The following UNC13C variants were observed in gnomAD, a reference collection of about 807,000 sequenced individuals.
UNC13C encodes protein unc-13 homolog C.
Under a neutral mutation model 245.4 loss-of-function variants are expected in UNC13C, and 174 were observed. The ratio of observed to expected loss-of-function variants is 0.71; its 90% CI spans 0.63 to 0.80. The LOEUF is 0.80. Ranked by LOEUF, UNC13C falls within the 30% of genes least tolerant of loss-of-function variation. The probability of loss-of-function intolerance (pLI) is 0.00; values close to 1 mark genes in which losing one functional copy is unlikely to be tolerated. For synonymous variants in UNC13C, 992 were observed against 895.1 expected (o/e 1.11, Z -1.93); for missense variants, 2,829 against 2,602.9 (o/e 1.09, Z -1.89).
At chr15:53,901,344 C>T in the UNC13C span, among the ~76,000 whole-genome samples, 1 of 151,690 alleles carries the variant, frequency 6.6e-6, no homozygotes, top group South Asian at 2.1e-4. Flanking sequence ...TTCAGCCTCC[C>T]AAGTAGCTGG....
chr15:54,260,173 T>C (rs1169619412), intron 8 of UNC13C, among the ~76,000 whole-genome samples: 2 of 152,226 alleles, frequency 1.3e-5, no homozygotes, highest in Non-Finnish European at 2.9e-5. Context: ...TGGACATATA[T>C]GCAGGTAGCT....
At chr15:54,338,723 C>A (rs2038655420) in intron 17 of UNC13C, among the ~76,000 whole-genome samples, 1 of 152,206 alleles carries the variant, frequency 6.6e-6, no homozygotes, top group Admixed American at 6.5e-5. Context: ...AAGGTTTTAG[C>A]TGGAGAATCA....
At chr15:54,338,261 A>C (rs1038111339) in intron 16 of UNC13C, 100 bp from the exon 17 acceptor site, 12 of 1,342,914 alleles carry the variant, frequency 8.9e-6, no homozygotes, top group Admixed American at 2.3e-5. Flanking sequence ...ACATAGAAAA[A>C]TCGACTGAAA....
Position 54,015,273 on chromosome 15 carries a change from G to A in UNC13C, c.2370G>A (p.Lys790=). Residue 790 remains lysine (K), a synonymous_variant, in exon 2 of 33, where the codon AAG becomes AAA. Coordinates refer to ENST00000260323, the MANE Select transcript of UNC13C (RefSeq NM_001080534.3). The part of the protein sequence containing the change: ...HSRLSIDLSD[K]TFSFPKFGST... Reference sequence around the variant, plus strand: ...GATTAAGCATTGACCTTTCTGATAAGACTTTCAGCTTCCCAAAATTTGGAT... The same window carrying A: ...GATTAAGCATTGACCTTTCTGATAAAACTTTCAGCTTCCCAAAATTTGGAT... The A allele has an allele frequency of 6.5e-7, 1 of 1,545,744 alleles. No individual in the cohort carries two copies. The highest frequency in any genetic ancestry group is 8.7e-7 in the Non-Finnish European group (1 of 1,145,980).
At chr15:54,422,977 A>C (rs2040681302) in intron 19 of UNC13C, among the ~76,000 whole-genome samples, 1 of 140,618 alleles carries the variant, frequency 7.1e-6, no homozygotes, top group Admixed American at 7.3e-5. Flanking sequence ...ACACACACAC[A>C]CACACAACGA....
At chr15:54,538,133 CAAAAAAAAAAAAAAAAAAAAA>C (rs56041311) in intron 26 of UNC13C, among the ~76,000 whole-genome samples, 1 of 10,236 alleles carries the variant, frequency 9.8e-5, no homozygotes, top group Non-Finnish European at 2.4e-4. Flanking sequence ...CATTAACAAG[CAAAAAAAAAAAAAAAAAAAAA>C]AAAAAAAAAA....
the UNC13C span, among the ~76,000 whole-genome samples, chr15:53,963,354 T>A: frequency 2.0e-5 from 3 of 152,218 alleles, no homozygotes; most frequent in Non-Finnish European, 2.9e-5. Context: ...ACTGTCACAA[T>A]GAAATTCATT....
intron 2 of UNC13C, among the ~76,000 whole-genome samples, chr15:54,085,462 T>C (rs932144105): frequency 1.3e-5 from 2 of 152,150 alleles, no homozygotes; most frequent in Non-Finnish European, 2.9e-5. Context: ...GCTATAGCTT[T>C]CAGTCATCTC....
chr15:54,439,016 C>G (rs1025179575), intron 19 of UNC13C, among the ~76,000 whole-genome samples: 2 of 151,774 alleles, frequency 1.3e-5, no homozygotes, highest in Admixed American at 6.6e-5. Flanking sequence ...TTCTCTTACC[C>G]CTTCTTCTCA....
At chr15:54,316,847 C>A (rs2038021587) in intron 13 of UNC13C, among the ~76,000 whole-genome samples, 1 of 151,948 alleles carries the variant, frequency 6.6e-6, no homozygotes, top group African/African-American at 2.4e-5. Context: ...CATCCTATGG[C>A]CCACCCAAAC....
At chr15:54,477,223 T>A (rs1221612351) in intron 19 of UNC13C, among the ~76,000 whole-genome samples, 3 of 117,330 alleles carry the variant, frequency 2.6e-5, no homozygotes, top group South Asian at 6.2e-4. Context: ...GACGATGGGG[T>A]TTTCTAGATA....
At chr15:53,939,118 A>G in the UNC13C span, among the ~76,000 whole-genome samples, 1 of 152,170 alleles carries the variant, frequency 6.6e-6, no homozygotes, top group South Asian at 2.1e-4. Flanking sequence ...AGGAAAAAAG[A>G]GAAGAATCAA....
chr15:54,200,147 T>C (rs1472818848), intron 4 of UNC13C, among the ~76,000 whole-genome samples: 2 of 152,062 alleles, frequency 1.3e-5, no homozygotes, highest in Non-Finnish European at 2.9e-5. Flanking sequence ...ATTGTGAATA[T>C]ATGTGCACCT....
chr15:53,958,793 T>C, the UNC13C span, among the ~76,000 whole-genome samples: 1 of 152,228 alleles, frequency 6.6e-6, no homozygotes, highest in Non-Finnish European at 1.5e-5. Context: ...CATTTATCTT[T>C]TCTTTGTGTT....
chr15:54,072,781 T>C (rs1898391607), intron 2 of UNC13C, among the ~76,000 whole-genome samples: 1 of 152,188 alleles, frequency 6.6e-6, no homozygotes, highest in African/African-American at 2.4e-5. Flanking sequence ...ATTTTACTAC[T>C]TGTAGGTATA....
At chr15:54,022,610 A>G (rs1014350545) in intron 2 of UNC13C, among the ~76,000 whole-genome samples, 28 of 152,164 alleles carry the variant, frequency 1.8e-4, no homozygotes, top group African/African-American at 6.8e-4. Context: ...TTTTCTTGCT[A>G]TTGACTTGTT....
rs1022485974 is a variant in UNC13C, at chr15:54,589,874, A to G, written c.6106+21927A>G. Among the ~76,000 whole-genome samples the G allele has an allele frequency of 6.6e-5, 10 of 151,812 alleles. No individual in the cohort carries two copies. In the South Asian group the frequency reaches 1.9e-3, roughly 28 times the overall value. On this transcript the variant is annotated intron_variant, in intron 30 of 32. Coordinates refer to ENST00000260323, the MANE Select transcript of UNC13C (RefSeq NM_001080534.3). ...AGTTTTTAGTCATGAAATCCTATAT[A>G]TAGGAGGGTTTTTCCAATGTTATCG...
chr15:54,215,991 C>A (rs1388351585), intron 4 of UNC13C, among the ~76,000 whole-genome samples: 1 of 151,890 alleles, frequency 6.6e-6, no homozygotes, highest in Non-Finnish European at 1.5e-5. Context: ...AGAAAGTCAA[C>A]AAAAAGAGTT....
the UNC13C span, among the ~76,000 whole-genome samples, chr15:53,861,173 A>G: frequency 6.6e-6 from 1 of 152,172 alleles, no homozygotes; most frequent in Non-Finnish European, 1.5e-5. Flanking sequence ...ATTTATGTCA[A>G]TGACAAGCAT....
Sources: gnomAD v4.1 joint callset for allele counts (sites outside exome capture counted in the v4.1 genomes callset) on GRCh38, gnomAD v4.1.1 for gene constraint, MANE v1.5 for transcripts, NCBI Gene and HGNC (gene_info 2026-07-23, HGNC 2026-07-21) for gene names.